SLCO1A2: variants seen among roughly 807,000 people sequenced by gnomAD.
SLCO1A2 encodes the protein solute carrier organic anion transporter family member 1A2, also known as OATP-1.
In SLCO1A2, 67 loss-of-function variants were observed where a neutral mutation model predicts 69.0. The ratio of observed to expected loss-of-function variants is 0.97; its 90% confidence interval spans 0.80 to 1.19. The LOEUF (loss-of-function observed/expected upper bound fraction) is 1.19, where lower values mean the gene tolerates loss of function less well. SLCO1A2 is among the 50% of genes most tolerant of loss of function. The pLI, the probability that SLCO1A2 is intolerant of heterozygous loss-of-function variation, is 0.00. For missense variants in SLCO1A2, 787 were observed against 793.7 expected (o/e 0.99, Z 0.10); for synonymous variants, 260 against 265.9 (o/e 0.98, Z 0.22).
At chr12:21,410,361 C>T (rs968280324) in intron 1 of SLCO1A2, among the ~76,000 whole-genome samples, 1 of 152,082 alleles carries the variant, frequency 6.6e-6, no homozygotes, top group South Asian at 2.1e-4. Context: ...ATAGAGAGAT[C>T]GAGGCTATAT....
intron 12 of SLCO1A2, among the ~76,000 whole-genome samples, chr12:21,288,410 C>T (rs1057265496): frequency 6.6e-6 from 1 of 151,876 alleles, no homozygotes; most frequent in African/African-American, 2.4e-5. Flanking sequence ...CACTGCACTC[C>T]AGCCTGGACA....
Position 21,284,628 on chromosome 12 carries a change from T to G in SLCO1A2, c.1610+7536A>C, listed in dbSNP as rs568145509. On this transcript the variant is annotated intron_variant, in intron 12 of 14. Coordinates refer to ENST00000683939, the MANE Select transcript of SLCO1A2 (RefSeq NM_001386879.1). ...GAAGTAAAACTCTCCTCAGCAAATG[T>G]AAAAGAACAGAAATTATAACAAACT... 1.6e-3 allele frequency among the ~76,000 whole-genome samples: 241 copies of G among 147,000 alleles called. 1 individual carries two copies. Among genetic ancestry groups the G allele is most frequent in the African/African-American group, 4.1e-3 (158 of 38,764 alleles).
rs753533805 is a variant in SLCO1A2, at chr12:21,378,424, T to C, written c.-189-3899A>G. On this transcript the variant is annotated intron_variant, in intron 1 of 15. Coordinates refer to the SLCO1A2 transcript ENST00000307378. The stretch of plus-strand genomic sequence containing the variant: ...AGAGCCACTGAATTACTTGCCCCTT[T>C]AGAGGACAATGTAACTCTATAGTTA... 2.5e-6 allele frequency: 4 copies of C among 1,609,962 alleles called. No individual in the cohort carries two copies. The Admixed American group carries it at 5.0e-5, about 20-fold the overall frequency.
chr12:21,277,448 A>G lies in SLCO1A2; in HGVS notation c.1611-2024T>C, dbSNP rs189476676. On this transcript the variant is annotated intron_variant, in intron 12 of 14. Transcript: ENST00000683939. ...TGAGACTCAGGTGTGCTGTATTGAG[A>G]TGAGACTCAGCACATTCAGAGCTGT... Among the ~76,000 whole-genome samples the G allele has an allele frequency of 9.3e-4, 142 of 152,018 alleles. 1 individual carries two copies. Among genetic ancestry groups the G allele is most frequent in the Admixed American group, 9.1e-3 (139 of 15,274 alleles).
At chr12:21,408,038 T>C (rs1380758464) in intron 1 of SLCO1A2, among the ~76,000 whole-genome samples, 2 of 152,128 alleles carry the variant, frequency 1.3e-5, no homozygotes, top group African/African-American at 4.8e-5. Context: ...AGTCTTTCTA[T>C]AGGGGGAATG....
intron 1 of SLCO1A2, among the ~76,000 whole-genome samples, chr12:21,392,070 CTCTT>C (rs754353554): frequency 6.6e-6 from 1 of 152,176 alleles, no homozygotes. Context: ...TTAAAACTGA[CTCTT>C]TCTCTTAAGG....
At chr12:21,299,077 T>C (rs963524127) in intron 8 of SLCO1A2, among the ~76,000 whole-genome samples, 2 of 152,258 alleles carry the variant, frequency 1.3e-5, no homozygotes, top group East Asian at 3.9e-4. Context: ...CTATAGTAAG[T>C]ACTATTATTA....
chr12:21,378,481 T>C lies in SLCO1A2; in HGVS notation c.-189-3956A>G, dbSNP rs1940373309. On this transcript the variant is annotated intron_variant, in intron 1 of 15. Coordinates refer to the SLCO1A2 transcript ENST00000307378. ...TATGTTCTAGTGATTTCCTGTATAA[T>C]TTAACAGTGCCCTTTTCATCTCCAG... 6.3e-6 allele frequency: 9 copies of C among 1,420,996 alleles called. No individual in the cohort carries two copies. The South Asian group carries it at 1.0e-4, about 16-fold the overall frequency. The allele number at this position is 1,420,996 out of a possible 1,614,324, so 88.0% of individuals were successfully genotyped here.
intron 2 of SLCO1A2, among the ~76,000 whole-genome samples, chr12:21,346,290 A>G (rs1953248907): frequency 6.6e-6 from 1 of 152,174 alleles, no homozygotes; most frequent in Admixed American, 6.6e-5. Flanking sequence ...TTAATTCACT[A>G]TTCCAGAGGT....
intron 12 of SLCO1A2, among the ~76,000 whole-genome samples, chr12:21,280,390 T>C (rs973077515): frequency 2.6e-5 from 4 of 151,974 alleles, no homozygotes; most frequent in Admixed American, 6.6e-5. Context: ...GAAAAAGATA[T>C]TCCATGCCAA....
At chr12:21,416,988 T>G (rs1941999363) in intron 1 of SLCO1A2, among the ~76,000 whole-genome samples, 1 of 152,142 alleles carries the variant, frequency 6.6e-6, no homozygotes, top group South Asian at 2.1e-4. Flanking sequence ...TGTTAAGTAT[T>G]TGAACTCAGT....
Position 21,381,169 on chromosome 12 carries a change from T to A in SLCO1A2, c.-189-6644A>T, listed in dbSNP as rs959651444. Among the ~76,000 whole-genome samples, 3 of 151,994 alleles carry A rather than the reference T, an allele frequency of 2.0e-5. No homozygotes were observed. The East Asian group carries it at 5.8e-4, about 29-fold the overall frequency. On this transcript the variant is annotated intron_variant, in intron 1 of 15. Coordinates refer to the SLCO1A2 transcript ENST00000307378. Reference sequence around the variant, plus strand: ...CAAAAACAAAAATAAATAAATGGGATGTAATTAAACTAAAAAGCTTCTGCA... The same window carrying A: ...CAAAAACAAAAATAAATAAATGGGAAGTAATTAAACTAAAAAGCTTCTGCA...
rs984267609 is a variant in SLCO1A2 at position 21,412,284 on chromosome 12, G to C, written c.-312+5598C>G. Among the ~76,000 whole-genome samples, 3 of 152,016 alleles carry C rather than the reference G, an allele frequency of 2.0e-5. No homozygotes were observed. In the South Asian group the frequency reaches 6.2e-4, roughly 32 times the overall value. On this transcript the variant is annotated intron_variant, in intron 1 of 4. Coordinates refer to the SLCO1A2 transcript ENST00000413682. ...TAGTCCCTGCTACTTGGGAGGCTGA[G>C]GTGGGAGAATCGCTTGAACCTGGGA...
intron 3 of SLCO1A2, among the ~76,000 whole-genome samples, chr12:21,317,287 T>C (rs1434295743): frequency 6.6e-6 from 1 of 152,186 alleles, no homozygotes; most frequent in Non-Finnish European, 1.5e-5. Context: ...CAGGCTCACA[T>C]TCCTAATCCT....
At position 21,269,573 on chromosome 12, in the gene SLCO1A2, T is replaced by A. The variant is rs1035615874; in HGVS notation, c.1988A>T (p.Asp663Val). 1 of 1,611,454 alleles carries A rather than the reference T, an allele frequency of 6.2e-7. No homozygotes were observed. The highest frequency in any genetic ancestry group is 1.7e-5 in the Admixed American group (1 of 59,828). ...TTACAATTTAGTTTTCAATTCATCA[T>A]CTTTCAAAACCGTGGACTTTTGGTA... ...DIYQKSTVLK[D>V]DELKTKL Residue 663 changes from aspartate to valine, a missense_variant, in exon 15 of 15, where the codon GAT becomes GTT. Physicochemically the swap from Asp to Val is radical, Grantham distance 152. Coordinates refer to ENST00000683939, the MANE Select transcript of SLCO1A2 (RefSeq NM_001386879.1).
At chr12:21,417,814 A>G (rs1942011635) in intron 1 of SLCO1A2, 1 of 152,132 alleles carries the variant, frequency 6.6e-6, no homozygotes. Context: ...CCCATTAGAA[A>G]AATATAATGT....
At chr12:21,276,578 G>GA (rs1565463802) in intron 12 of SLCO1A2, among the ~76,000 whole-genome samples, 2 of 148,964 alleles carry the variant, frequency 1.3e-5, no homozygotes, top group Non-Finnish European at 1.5e-5. Flanking sequence ...TTGTAAGAAT[G>GA]AAAAATCAGG....
chr12:21,321,801 C>T (rs1461482788), intron 2 of SLCO1A2, among the ~76,000 whole-genome samples: 2 of 152,178 alleles, frequency 1.3e-5, no homozygotes, highest in African/African-American at 4.8e-5. Context: ...CTGTGCTCCC[C>T]AGGTAAGCCC....
At chr12:21,371,477 G>C (rs555636081) in intron 2 of SLCO1A2, among the ~76,000 whole-genome samples, 2 of 151,994 alleles carry the variant, frequency 1.3e-5, no homozygotes, top group Non-Finnish European at 2.9e-5. Context: ...TTAGAACAAG[G>C]ATTCTAAACA....
Sources: gnomAD v4.1 joint callset for allele counts (sites outside exome capture counted in the v4.1 genomes callset) on GRCh38, gnomAD v4.1.1 for gene constraint, MANE v1.5 for transcripts, NCBI Gene and HGNC (gene_info 2026-07-23, HGNC 2026-07-21) for gene names.